The following FBXL17 variants were observed in gnomAD, a reference collection of about 807,000 sequenced individuals.
The protein encoded by FBXL17 is F-box/LRR-repeat protein 17.
FBXL17 carries 22 observed loss-of-function variants against 66.2 expected under a neutral mutation model. The ratio of observed to expected loss-of-function variants is 0.33; its 90% CI spans 0.24 to 0.47. FBXL17 has a LOEUF of 0.47. Ranked by LOEUF, FBXL17 falls within the 20% of genes least tolerant of loss-of-function variation. The pLI is 1.00. For missense variants in FBXL17, 878 were observed against 948.2 expected, an observed-to-expected ratio of 0.93 and a Z score of 0.97; for synonymous variants, 474 against 400.5, an observed-to-expected ratio of 1.18 and a Z score of -2.19.
chr5:108,167,978 T>G (rs1302645847), intron 6 of FBXL17, among the ~76,000 whole-genome samples: 1 of 152,128 alleles, frequency 6.6e-6, no homozygotes, highest in Non-Finnish European at 1.5e-5. Flanking sequence ...CTTTTAGAGA[T>G]CATATCGTTG....
At chr5:107,986,569 G>A (rs1753020129) in intron 7 of FBXL17, among the ~76,000 whole-genome samples, 1 of 151,418 alleles carries the variant, frequency 6.6e-6, no homozygotes, top group African/African-American at 2.4e-5. Context: ...ATATAACAGG[G>A]ATACCTACTA....
intron 7 of FBXL17, among the ~76,000 whole-genome samples, chr5:107,979,936 A>G (rs1362611421): frequency 2.0e-5 from 3 of 152,352 alleles, no homozygotes; most frequent in African/African-American, 7.2e-5. Flanking sequence ...AATCCTTAAC[A>G]ATAATGGTTT....
chr5:108,074,833 G>T (rs1224965163), intron 6 of FBXL17, among the ~76,000 whole-genome samples: 1 of 152,216 alleles, frequency 6.6e-6, no homozygotes, highest in Non-Finnish European at 1.5e-5. Context: ...CAAGTCACTG[G>T]TGAGAGCTGC....
intron 7 of FBXL17, among the ~76,000 whole-genome samples, chr5:108,013,999 T>C (rs1754282051): frequency 6.6e-6 from 1 of 152,172 alleles, no homozygotes; most frequent in Non-Finnish European, 1.5e-5. Flanking sequence ...AGTGATATAA[T>C]ACTGATAATC....
intron 4 of FBXL17, among the ~76,000 whole-genome samples, chr5:108,331,196 C>A (rs1760107189): frequency 6.6e-6 from 1 of 152,120 alleles, no homozygotes; most frequent in Non-Finnish European, 1.5e-5. Flanking sequence ...CACTCAATAT[C>A]AAGAAATCAT....
At chr5:108,293,112 C>CA (rs543502394) in intron 4 of FBXL17, among the ~76,000 whole-genome samples, 15 of 142,910 alleles carry the variant, frequency 1.0e-4, no homozygotes, top group East Asian at 6.1e-4. Flanking sequence ...AAAAAAAAAA[C>CA]AAAAAAAAAC....
At position 108,212,883 on chromosome 5, in the gene FBXL17, G is replaced by T. The variant is rs541638564; in HGVS notation, c.1614+11238C>A. 6.6e-5 allele frequency among the ~76,000 whole-genome samples: 10 copies of T among 152,338 alleles called. No individual in the cohort carries two copies. The East Asian group carries it at 1.9e-3, about 29-fold the overall frequency. On this transcript the variant is annotated intron_variant, in intron 5 of 8. Coordinates refer to ENST00000542267, the MANE Select transcript of FBXL17 (RefSeq NM_001163315.3). ...TGCTCTTTTCAGAGCTGTCAGGCAGGAACATTTAAGTCTGCTGAATCTTCA... is the reference window on the plus strand; with the variant it reads ...TGCTCTTTTCAGAGCTGTCAGGCAGTAACATTTAAGTCTGCTGAATCTTCA...
intron 4 of FBXL17, among the ~76,000 whole-genome samples, chr5:108,235,440 A>G (rs1561480452): frequency 6.6e-6 from 1 of 152,128 alleles, no homozygotes; most frequent in Non-Finnish European, 1.5e-5. Context: ...GCCCATTTCT[A>G]CTGCCCCCAC....
At chr5:108,280,233 C>T (rs769224995) in intron 4 of FBXL17, among the ~76,000 whole-genome samples, 8 of 152,020 alleles carry the variant, frequency 5.3e-5, no homozygotes, top group Non-Finnish European at 1.2e-4. Context: ...AAAAAAAGCA[C>T]CTATTCACCT....
At chr5:108,214,670 C>T (rs971221499) in intron 5 of FBXL17, among the ~76,000 whole-genome samples, 3 of 152,052 alleles carry the variant, frequency 2.0e-5, no homozygotes, top group African/African-American at 7.2e-5. Flanking sequence ...GCACCTGGCC[C>T]GATTTATTAA....
At chr5:108,150,335 C>T (rs1481415177) in intron 6 of FBXL17, among the ~76,000 whole-genome samples, 1 of 152,170 alleles carries the variant, frequency 6.6e-6, no homozygotes, top group Admixed American at 6.5e-5. Context: ...ACCCCAGTAG[C>T]TAGGACCACA....
At chr5:108,033,955 G>C (rs1418648574) in intron 6 of FBXL17, among the ~76,000 whole-genome samples, 1 of 151,998 alleles carries the variant, frequency 6.6e-6, no homozygotes, top group East Asian at 1.9e-4. Flanking sequence ...CCTGAATTTT[G>C]AAAAAGTGTA....
At chr5:107,932,908 A>T (rs1750778626) in intron 7 of FBXL17, among the ~76,000 whole-genome samples, 1 of 152,140 alleles carries the variant, frequency 6.6e-6, no homozygotes, top group African/African-American at 2.4e-5. Flanking sequence ...TGTGGATATA[A>T]ACTAGGAAAT....
intron 7 of FBXL17, among the ~76,000 whole-genome samples, chr5:107,891,233 T>G (rs1749186834): frequency 6.6e-6 from 1 of 152,172 alleles, no homozygotes; most frequent in Non-Finnish European, 1.5e-5. Flanking sequence ...ACTGCTGGTT[T>G]GTTCCAAAAC....
Position 107,861,445 on chromosome 5 carries a change from A to T in FBXL17, c.*275T>A, listed in dbSNP as rs1321834272. 2.3e-5 allele frequency: 5 copies of T among 214,144 alleles called. No homozygotes were observed. Among genetic ancestry groups the T allele is most frequent in the Non-Finnish European group, 4.2e-5 (5 of 118,574 alleles). The allele number at this position is 214,144 out of a possible 1,614,324, so 13.3% of individuals were successfully genotyped here. On this transcript the variant is annotated 3_prime_UTR_variant, in exon 9 of 9. Coordinates refer to ENST00000542267, the MANE Select transcript of FBXL17 (RefSeq NM_001163315.3). ...AATTTTTTGACTCTATATTAAAAATAATTTTTTTTTAAAGAGAAAGAAGCC... is the reference window on the plus strand; with the variant it reads ...AATTTTTTGACTCTATATTAAAAATTATTTTTTTTTAAAGAGAAAGAAGCC...
intron 4 of FBXL17, among the ~76,000 whole-genome samples, chr5:108,334,255 GA>G (rs1760271660): frequency 6.6e-6 from 1 of 152,144 alleles, no homozygotes. Flanking sequence ...GTACATCAAA[GA>G]AAATCAACTT....
intron 7 of FBXL17, among the ~76,000 whole-genome samples, chr5:107,903,138 C>T (rs879129209): frequency 1.2e-4 from 19 of 152,178 alleles, no homozygotes; most frequent in African/African-American, 3.6e-4. Context: ...AAAAAGACTT[C>T]GGCAACATAA....
chr5:108,043,543 G>A (rs1309675338), intron 6 of FBXL17, among the ~76,000 whole-genome samples: 5 of 152,034 alleles, frequency 3.3e-5, no homozygotes, highest in East Asian at 1.9e-4. Context: ...GCATATTTAC[G>A]TGAGTCCTTT....
rs532603149 is a variant in FBXL17, at chr5:108,024,714, G to A, written c.1746-3713C>T. Among the ~76,000 whole-genome samples the A allele has an allele frequency of 3.9e-5, 6 of 152,226 alleles. No homozygotes were observed. In the East Asian group the frequency reaches 1.2e-3, roughly 29 times the overall value. ...GAAAACCTGCTCCAAAGTATCCTAA[G>A]CATCCAGAGTTATTTTTGATAATAA... is the stretch of plus-strand genomic sequence containing the variant. On this transcript the variant is annotated intron_variant, in intron 6 of 8. Coordinates refer to ENST00000542267, the MANE Select transcript of FBXL17 (RefSeq NM_001163315.3).
Sources: gnomAD v4.1 joint callset for allele counts (sites outside exome capture counted in the v4.1 genomes callset) on GRCh38, gnomAD v4.1.1 for gene constraint, MANE v1.5 for transcripts, NCBI Gene and HGNC (gene_info 2026-07-23, HGNC 2026-07-21) for gene names.